The following EML1 variants were observed in gnomAD, a reference collection of about 807,000 sequenced individuals.
EML1 encodes the protein EMAP like 1, also known as echinoderm microtubule-associated protein-like 1.
In EML1, 27 loss-of-function variants were observed where a neutral mutation model predicts 110.4. That is an observed-to-expected ratio of 0.24 (90% CI 0.18 to 0.34). EML1 has a LOEUF of 0.34. Ranked by LOEUF, EML1 falls within the 10% of genes least tolerant of loss-of-function variation. The probability of loss-of-function intolerance (pLI) is 1.00; values close to 1 mark genes in which losing one functional copy is unlikely to be tolerated. For missense variants in EML1, 741 were observed against 1,030.9 expected, an observed-to-expected ratio of 0.72 and a Z score of 3.85; for synonymous variants, 344 against 385.8, an observed-to-expected ratio of 0.89 and a Z score of 1.27.
intron 1 of EML1, among the ~76,000 whole-genome samples, chr14:99,760,506 T>C (rs1483404075): frequency 6.6e-6 from 1 of 152,208 alleles, no homozygotes; most frequent in Admixed American, 6.5e-5. Flanking sequence ...GCAGGGTGTT[T>C]AGAACGCACC....
intron 1 of EML1, among the ~76,000 whole-genome samples, chr14:99,810,077 GACACTCCCC>G: frequency 6.6e-6 from 1 of 152,190 alleles, no homozygotes; most frequent in African/African-American, 2.4e-5. Context: ...TGTATCTGCG[GACACTCCCC>G]AGTGTTTGAG....
upstream of EML1, among the ~76,000 whole-genome samples, chr14:99,790,865 C>CTTTTTTTT (rs763959981): frequency 3.0e-4 from 41 of 138,448 alleles, 1 homozygote; most frequent in African/African-American, 5.1e-4. Flanking sequence ...TTTTTCTTTT[C>CTTTTTTTT]CTTTTTTTTT....
intron 1 of EML1, among the ~76,000 whole-genome samples, chr14:99,764,381 A>G (rs1279321671): frequency 6.6e-6 from 1 of 152,204 alleles, no homozygotes; most frequent in Non-Finnish European, 1.5e-5. Context: ...GTGGGGCTGG[A>G]ATTCAGCTGC....
At chr14:99,877,442 G>C (rs2059311299) in intron 3 of EML1, among the ~76,000 whole-genome samples, 1 of 152,150 alleles carries the variant, frequency 6.6e-6, no homozygotes, top group African/African-American at 2.4e-5. Context: ...AATCCCCTGT[G>C]TATAGGGGAT....
At chr14:99,794,027 C>G (rs1407004082) in intron 1 of EML1, among the ~76,000 whole-genome samples, 1 of 152,222 alleles carries the variant, frequency 6.6e-6, no homozygotes, top group African/African-American at 2.4e-5. Context: ...CCATTCAGGT[C>G]TACTTTAATG....
At chr14:99,861,152 A>G (rs1218738840) in intron 2 of EML1, among the ~76,000 whole-genome samples, 1 of 152,210 alleles carries the variant, frequency 6.6e-6, no homozygotes, top group Non-Finnish European at 1.5e-5. Flanking sequence ...AATTAAACCA[A>G]GTTACATTTC....
intron 1 of EML1, among the ~76,000 whole-genome samples, chr14:99,765,104 A>T (rs1566855040): frequency 2.0e-5 from 3 of 151,588 alleles, no homozygotes; most frequent in African/African-American, 7.3e-5. Context: ...TGCACAGCTA[A>T]TTTTTTTTCT....
chr14:99,810,944 T>G (rs1394824336), intron 1 of EML1, among the ~76,000 whole-genome samples: 1 of 152,142 alleles, frequency 6.6e-6, no homozygotes, highest in African/African-American at 2.4e-5. Context: ...CCCCTAAATA[T>G]ATACAATTAT....
chr14:99,926,240 C>A (rs74505625), intron 17 of EML1, among the ~76,000 whole-genome samples: 3,092 of 151,850 alleles, frequency 0.02, 103 homozygotes, highest in African/African-American at 0.068. Flanking sequence ...TCTCATTTGG[C>A]CACAGCTAGA....
At chr14:99,753,685 A>C (rs1316871827) in intron 1 of EML1, among the ~76,000 whole-genome samples, 1 of 152,044 alleles carries the variant, frequency 6.6e-6, no homozygotes, top group Non-Finnish European at 1.5e-5. Context: ...TGTCTGAGTC[A>C]TCTCTACCCC....
At chr14:99,931,590 A>G (rs1353575259) in intron 17 of EML1, among the ~76,000 whole-genome samples, 2 of 152,098 alleles carry the variant, frequency 1.3e-5, no homozygotes, top group African/African-American at 2.4e-5. Context: ...CAGTGGAGTA[A>G]GTTTAGGAAT....
chr14:99,871,752 G>A (rs1276165711), intron 3 of EML1, among the ~76,000 whole-genome samples: 5 of 152,310 alleles, frequency 3.3e-5, no homozygotes, highest in South Asian at 2.1e-4. Flanking sequence ...TTTAATGGGC[G>A]AGGAATTACT....
chr14:99,849,194 A>G (rs1165557780), intron 1 of EML1, among the ~76,000 whole-genome samples: 1 of 152,044 alleles, frequency 6.6e-6, no homozygotes, highest in Non-Finnish European at 1.5e-5. Context: ...TTACTCTGAA[A>G]ATGTCTTTAT....
intron 17 of EML1, 29 bp from the exon 18 acceptor site, chr14:99,936,000 C>T: frequency 6.2e-7 from 1 of 1,604,866 alleles, no homozygotes; most frequent in East Asian, 2.2e-5. Flanking sequence ...TTGTTAACAT[C>T]TGAAATGTAA....
chr14:99,740,068 T>A (rs1278975686), intron 1 of EML1, among the ~76,000 whole-genome samples: 1 of 152,192 alleles, frequency 6.6e-6, no homozygotes, highest in Admixed American at 6.5e-5. Context: ...AGGCTTATTG[T>A]TAGTGGTTAT....
intron 1 of EML1, among the ~76,000 whole-genome samples, chr14:99,756,053 A>G (rs949211964): frequency 2.6e-5 from 4 of 152,234 alleles, no homozygotes; most frequent in African/African-American, 9.6e-5. Flanking sequence ...GCTCCGCAAG[A>G]GGACAACATC....
At chr14:99,867,440 A>G (rs181004737) in intron 3 of EML1, among the ~76,000 whole-genome samples, 10 of 152,230 alleles carry the variant, frequency 6.6e-5, no homozygotes, top group Non-Finnish European at 8.8e-5. Context: ...TTTTAGCAAT[A>G]TTAAGTCTTC....
At chr14:99,753,496 A>G (rs1012698544) in intron 1 of EML1, among the ~76,000 whole-genome samples, 13 of 151,594 alleles carry the variant, frequency 8.6e-5, no homozygotes, top group African/African-American at 2.7e-4. Flanking sequence ...GTCAGCACCC[A>G]TCTCCCTTCC....
chr14:99,921,124 C>A (rs1017172880), intron 17 of EML1, among the ~76,000 whole-genome samples: 1 of 151,980 alleles, frequency 6.6e-6, no homozygotes. Context: ...CCAGTGTGTC[C>A]ATGTGTTCTC....
Sources: gnomAD v4.1 joint callset for allele counts (sites outside exome capture counted in the v4.1 genomes callset) on GRCh38, gnomAD v4.1.1 for gene constraint, MANE v1.5 for transcripts, NCBI Gene and HGNC (gene_info 2026-07-23, HGNC 2026-07-21) for gene names.